Variants in CBX6 observed in about 807,000 individuals in gnomAD.
CBX6 encodes the protein chromobox protein homolog 6.
Under a neutral mutation model 28.4 loss-of-function variants are expected in CBX6, and 7 were observed. The observed-to-expected ratio is 0.25, with a 90% CI of 0.14 to 0.46. The LOEUF (loss-of-function observed/expected upper bound fraction) is 0.46. Ranked by LOEUF, CBX6 falls within the 20% of genes least tolerant of loss-of-function variation. The pLI is 0.99. For synonymous variants in CBX6, 297 were observed against 273.4 expected (o/e 1.09, Z -0.85); for missense variants, 512 against 606.1 (o/e 0.84, Z 1.63).
rs2093168436 is a variant in CBX6, at chr22:38,865,999, G to A, written c.*210C>T. ...GTGGGCTACCATGCATGGGCAGGGG[G>A]TGTGCCCTTCCCCTGCCCCATTCCA... On this transcript the variant is annotated 3_prime_UTR_variant, in exon 5 of 5. Transcript: ENST00000407418. The A allele has an allele frequency of 3.4e-6, 2 of 592,344 alleles. No individual in the cohort carries two copies. Among genetic ancestry groups the A allele is most frequent in the South Asian group, 2.1e-5 (1 of 48,420 alleles). 36.7% of individuals were successfully genotyped at this position (592,344 alleles called of 1,614,324 possible).
Position 38,866,132 on chromosome 22 carries a change from G to A in CBX6, c.*77C>T. On this transcript the variant is annotated 3_prime_UTR_variant, in exon 5 of 5. Coordinates refer to ENST00000407418, the MANE Select transcript of CBX6 (RefSeq NM_014292.5). This position sits in a 1 kb window ranked among gnomAD's most constrained non-coding sequence, Gnocchi z 7.5. ...AAAGCACAGGGAGAGAGGGCTGGGG[G>A]CAAGGGTGGGGTGGGAGCAAGAGTA... 2 of 1,048,496 alleles carry A rather than the reference G, an allele frequency of 1.9e-6. No homozygotes were observed. Among genetic ancestry groups the A allele is most frequent in the East Asian group, 2.6e-5 (1 of 38,670 alleles). The allele number at this position is 1,048,496 out of a possible 1,614,324, so 64.9% of individuals were successfully genotyped here.
rs1132719 is a variant in CBX6 at position 38,864,246 on chromosome 22, T to C, written c.*1963A>G. On this transcript the variant is annotated 3_prime_UTR_variant, in exon 5 of 5. Coordinates refer to ENST00000407418, the MANE Select transcript of CBX6 (RefSeq NM_014292.5). ...TTCTTTTTTTTTTCCTCTTTTTTTG[T>C]TTTTGTTTTTTTGCAAAACTAATTC... 6.6e-6 allele frequency: 1 copy of C among 151,976 alleles called. No individual in the cohort carries two copies. Among genetic ancestry groups the C allele is most frequent in the Non-Finnish European group, 1.5e-5 (1 of 67,966 alleles). The allele number at this position is 151,976 out of a possible 1,614,324, so 9.4% of individuals were successfully genotyped here.
Position 38,865,085 on chromosome 22 carries a change from G to C in CBX6, c.*1124C>G, listed in dbSNP as rs1043853872. 2 of 152,330 alleles carry C rather than the reference G, an allele frequency of 1.3e-5. No homozygotes were observed. The highest frequency in any genetic ancestry group is 2.4e-5 in the African/African-American group (1 of 41,478). 9.4% of individuals were successfully genotyped at this position (152,330 alleles called of 1,614,324 possible). A position where few individuals can be genotyped will look rare whatever the true frequency, so the allele number is the denominator to read the frequency against. On this transcript the variant is annotated 3_prime_UTR_variant, in exon 5 of 5. Transcript: ENST00000407418. ...AGCAAAAGAGGGGCTGGGACAAGCCGGGAGGCCCTCGGGAATGGATTCTTC... is the reference window on the plus strand; with the variant it reads ...AGCAAAAGAGGGGCTGGGACAAGCCCGGAGGCCCTCGGGAATGGATTCTTC...
Position 38,862,622 on chromosome 22 carries a change from T to G in CBX6, c.*3587A>C, listed in dbSNP as rs1178201190. 1 of 132,910 alleles carries G rather than the reference T, an allele frequency of 7.5e-6. No homozygotes were observed. The highest frequency in any genetic ancestry group is 2.3e-4 in the East Asian group (1 of 4,336). 8.2% of individuals were successfully genotyped at this position (132,910 alleles called of 1,614,324 possible). A position where few individuals can be genotyped will look rare whatever the true frequency, so the allele number is the denominator to read the frequency against. The stretch of plus-strand genomic sequence containing the variant: ...AAAACAACAAAATGACACAGAAGAG[T>G]GGGCAAAAGGGGGATGTGTCCTCTT... On this transcript the variant is annotated 3_prime_UTR_variant, in exon 5 of 5. Transcript: ENST00000407418.
chr22:38,866,405 C>T lies in CBX6; in HGVS notation c.1043G>A (p.Gly348Asp). ...PAPPTAPEPA[G>D]ASSEPEAGDW... Reference sequence around the variant, plus strand: ...CCCAGCCTCGGGCTCGGAGGAGGCACCGGCGGGCTCAGGGGCCGTGGGAGG... The same window carrying T: ...CCCAGCCTCGGGCTCGGAGGAGGCATCGGCGGGCTCAGGGGCCGTGGGAGG... Residue 348 changes from glycine (G) to aspartate (D), a missense_variant, in exon 5 of 5, where the codon GGT becomes GAT. Gly to Asp is a moderately conservative substitution (Grantham distance 94). This residue lies in a region of CBX6 where 290 missense variants were observed against 274.1 expected (regional missense o/e 1.06). Transcript: ENST00000407418. This position sits in a 1 kb window ranked among gnomAD's most constrained non-coding sequence, Gnocchi z 7.5. 6.2e-7 allele frequency: 1 copy of T among 1,612,680 alleles called. No homozygotes were observed. Among genetic ancestry groups the T allele is most frequent in the South Asian group, 1.1e-5 (1 of 91,068 alleles).
At chr22:38,869,603 T>G (rs1017174908) in intron 4 of CBX6, 3 of 152,194 alleles carry the variant, frequency 2.0e-5, no homozygotes, top group African/African-American at 7.2e-5. Context: ...CCTCCCCACA[T>G]GGAGAACTCT....
intron 4 of CBX6, among the ~76,000 whole-genome samples, chr22:38,868,591 G>C (rs1043403578): frequency 6.6e-6 from 1 of 152,198 alleles, no homozygotes; most frequent in African/African-American, 2.4e-5. Context: ...GGGGACAGAG[G>C]CTGGGGTGTG....
At position 38,866,602 on chromosome 22, in the gene CBX6, T is replaced by C. The variant is rs1168801238; in HGVS notation, c.846A>G (p.Thr282=). The C allele has an allele frequency of 3.2e-6, 5 of 1,555,798 alleles. No individual in the cohort carries two copies. The highest frequency in any genetic ancestry group is 1.8e-5 in the Admixed American group (1 of 54,712). Residue 282 remains threonine (T), a synonymous_variant, in exon 5 of 5, where the codon ACA becomes ACG. Coordinates refer to ENST00000407418, the MANE Select transcript of CBX6 (RefSeq NM_014292.5). The surrounding 1 kb of genome is among the most constrained non-coding windows in gnomAD (Gnocchi z 7.5). ...TGTCGTCGGGGTCAGAGGACTGTGG[T>C]GTAGGCGAGGGGCAGCCGGAGGAGC... ...SSGSSGCPSP[T]PQSSDPDDTP...
At chr22:38,868,396 C>T (rs1298203607) in intron 4 of CBX6, among the ~76,000 whole-genome samples, 1 of 152,212 alleles carries the variant, frequency 6.6e-6, no homozygotes, top group African/African-American at 2.4e-5. Flanking sequence ...AACATCAAAG[C>T]CCGGCCCTGA....
In CBX6 at chr22:38,872,067, C is replaced by T; in HGVS notation, c.69+55G>A. The T allele has an allele frequency of 5.5e-6, 7 of 1,280,728 alleles. No individual in the cohort carries two copies. Among genetic ancestry groups the T allele is most frequent in the Non-Finnish European group, 7.0e-6 (7 of 1,005,002 alleles). The allele number at this position is 1,280,728 out of a possible 1,614,324, so 79.3% of individuals were successfully genotyped here. A position where few individuals can be genotyped will look rare whatever the true frequency, so the allele number is the denominator to read the frequency against. On this transcript the variant is annotated intron_variant, in intron 1 of 4. Transcript: ENST00000407418. The surrounding 1 kb of genome is among the most constrained non-coding windows in gnomAD (Gnocchi z 5.0). ...GCGGGACCGCTTCGCCCCGAGGGCC[C>T]CCGGCCCCGGCCCCGGCTGCGGACA...
Position 38,871,583 on chromosome 22 carries a change from C to T in CBX6, c.180-37G>A, listed in dbSNP as rs553600038. 3.1e-6 allele frequency: 5 copies of T among 1,613,226 alleles called. No individual in the cohort carries two copies. Among genetic ancestry groups the T allele is most frequent in the African/African-American group, 2.7e-5 (2 of 75,042 alleles). On this transcript the variant is annotated intron_variant, in intron 3 of 4. Transcript: ENST00000407418. This position sits in a 1 kb window ranked among gnomAD's most constrained non-coding sequence, Gnocchi z 5.6. ...AAACACCAGAGGTTAAAAAGAGCCC[C>T]TTCCCGGGCCCCACTCCGCGCTGCC... is the stretch of plus-strand genomic sequence containing the variant.
Position 38,871,993 on chromosome 22 carries a change from G to T in CBX6, c.70-48C>A. ...ACGGGGGTGGGGGTGGGGAGGATGCGGGGACGCGAGGAGGCGGCGGCGCGG... is the reference window on the plus strand; with the variant it reads ...ACGGGGGTGGGGGTGGGGAGGATGCTGGGACGCGAGGAGGCGGCGGCGCGG... On this transcript the variant is annotated intron_variant, in intron 1 of 4. Transcript: ENST00000407418. This position sits in a 1 kb window ranked among gnomAD's most constrained non-coding sequence, Gnocchi z 5.6. The T allele has an allele frequency of 6.9e-7, 1 of 1,441,636 alleles. No individual in the cohort carries two copies. The allele number at this position is 1,441,636 out of a possible 1,614,324, so 89.3% of individuals were successfully genotyped here.
chr22:38,871,816 C>T lies in CBX6; in HGVS notation c.114-59G>A. ...AGACCAGAGAGGGACAGGCACGCGG[C>T]GAGAGCAAGAGCGCGCACCCCCACC... On this transcript the variant is annotated intron_variant, in intron 2 of 4. Transcript: ENST00000407418. This position sits in a 1 kb window ranked among gnomAD's most constrained non-coding sequence, Gnocchi z 5.6. 1.3e-6 allele frequency: 2 copies of T among 1,588,172 alleles called. No individual in the cohort carries two copies. Among genetic ancestry groups the T allele is most frequent in the East Asian group, 2.3e-5 (1 of 44,396 alleles).
chr22:38,871,384 T>C lies in CBX6; in HGVS notation c.246+96A>G. ...GCCCCTCTGAAAAGGCCGGCCCGCT[T>C]GGGCGGCCGCGTATCTGTCCCTCCC... On this transcript the variant is annotated intron_variant, in intron 4 of 4. Transcript: ENST00000407418. This position sits in a 1 kb window ranked among gnomAD's most constrained non-coding sequence, Gnocchi z 5.6. 1 of 1,296,512 alleles carries C rather than the reference T, an allele frequency of 7.7e-7. No individual in the cohort carries two copies. The highest frequency in any genetic ancestry group is 1.4e-5 in the South Asian group (1 of 73,180). The allele number at this position is 1,296,512 out of a possible 1,614,324, so 80.3% of individuals were successfully genotyped here. A position where few individuals can be genotyped will look rare whatever the true frequency, so the allele number is the denominator to read the frequency against.
rs1176365424 is a variant in CBX6, at chr22:38,871,630, C to G, written c.179+62G>C. 6.2e-7 allele frequency: 1 copy of G among 1,611,210 alleles called. No individual in the cohort carries two copies. Among genetic ancestry groups the G allele is most frequent in the Non-Finnish European group, 8.5e-7 (1 of 1,178,386 alleles). ...TGCCCTCCCCGGCTCTCCCGCTTCC[C>G]CGCGCGGCGCCCCAGCCGAGCCTCG... is the stretch of plus-strand genomic sequence containing the variant. On this transcript the variant is annotated intron_variant, in intron 3 of 4. Coordinates refer to ENST00000407418, the MANE Select transcript of CBX6 (RefSeq NM_014292.5). The surrounding 1 kb of genome is among the most constrained non-coding windows in gnomAD (Gnocchi z 5.6).
At position 38,864,146 on chromosome 22, in the gene CBX6, C is replaced by T. The variant is rs1156991704; in HGVS notation, c.*2063G>A. The T allele has an allele frequency of 6.6e-6, 1 of 152,166 alleles. No individual in the cohort carries two copies. Among genetic ancestry groups the T allele is most frequent in the Non-Finnish European group, 1.5e-5 (1 of 68,032 alleles). 9.4% of individuals were successfully genotyped at this position (152,166 alleles called of 1,614,324 possible). The stretch of plus-strand genomic sequence containing the variant: ...TGCCACCTCACCTGTGCAATCACTG[C>T]GTTACTATTTTTTCTTAAATAGCTC... On this transcript the variant is annotated 3_prime_UTR_variant, in exon 5 of 5. Coordinates refer to ENST00000407418, the MANE Select transcript of CBX6 (RefSeq NM_014292.5).
chr22:38,862,697 C>T lies in CBX6; in HGVS notation c.*3512G>A, dbSNP rs1165889859. On this transcript the variant is annotated 3_prime_UTR_variant, in exon 5 of 5. Coordinates refer to ENST00000407418, the MANE Select transcript of CBX6 (RefSeq NM_014292.5). ...GGTAGCAGTCCAGCCCCCTGGCCAA[C>T]CCAGCTCCCTGTTGGGGCTGACCCT... 1.3e-5 allele frequency: 2 copies of T among 152,288 alleles called. No homozygotes were observed. Among genetic ancestry groups the T allele is most frequent in the East Asian group, 1.9e-4 (1 of 5,188 alleles). The allele number at this position is 152,288 out of a possible 1,614,324, so 9.4% of individuals were successfully genotyped here.
At chr22:38,867,428 G>A (rs1214259008) in intron 4 of CBX6, among the ~76,000 whole-genome samples, 3 of 152,190 alleles carry the variant, frequency 2.0e-5, no homozygotes, top group Non-Finnish European at 4.4e-5. Flanking sequence ...CCTTGTCCAG[G>A]CCCAATTCCA....
chr22:38,868,840 A>C (rs1856040503), intron 4 of CBX6, among the ~76,000 whole-genome samples: 1 of 152,180 alleles, frequency 6.6e-6, no homozygotes, highest in Admixed American at 6.5e-5. Context: ...TGCCTCTCAG[A>C]CAAGACTAGA....
Sources: gnomAD v4.1 joint callset for allele counts (sites outside exome capture counted in the v4.1 genomes callset) on GRCh38, gnomAD v4.1.1 for gene constraint, gnomAD v4.1.1 regional missense constraint, Gnocchi (gnomAD v3.1) non-coding constraint, MANE v1.5 for transcripts, NCBI Gene and HGNC (gene_info 2026-07-23, HGNC 2026-07-21) for gene names.